The following SPAG16 variants were observed in gnomAD, a reference collection of about 807,000 sequenced individuals.
The protein encoded by SPAG16 is sperm associated antigen 16.
A neutral mutation model predicts 80.4 loss-of-function variants in SPAG16; 86 were observed. That is an observed-to-expected ratio of 1.07 (90% CI 0.90 to 1.28). The LOEUF (loss-of-function observed/expected upper bound fraction) is 1.28, where lower values mean the gene tolerates loss of function less well. Among genes scored for constraint, SPAG16 ranks in the 50% most tolerant of loss-of-function variants. The pLI is 0.00. For missense variants in SPAG16, 870 were observed against 765.3 expected (o/e 1.14, Z -1.61); for synonymous variants, 294 against 265.9 (o/e 1.11, Z -1.03).
chr2:214,132,883 G>A (rs868526006), intron 14 of SPAG16, among the ~76,000 whole-genome samples: 4 of 151,850 alleles, frequency 2.6e-5, no homozygotes, highest in South Asian at 4.2e-4. Context: ...ACCTGAGGTC[G>A]CGAGTTCGAG....
Position 214,090,438 on chromosome 2 carries a change from G to T in SPAG16, c.1528-17758G>T, listed in dbSNP as rs141549599. Among the ~76,000 whole-genome samples the T allele has an allele frequency of 2.0e-3, 297 of 151,868 alleles. 3 individuals are homozygous for T. Among genetic ancestry groups the T allele is most frequent in the Non-Finnish European group, 1.6e-4 (11 of 67,902 alleles). On this transcript the variant is annotated intron_variant, in intron 13 of 15. Transcript: ENST00000331683. ...ATCAGATGTAGTGCCTCAGAGAGAG[G>T]CACCTTCACTGTATGTCATTAATAC...
intron 14 of SPAG16, among the ~76,000 whole-genome samples, chr2:214,120,955 A>G (rs72939904): frequency 0.19 from 28,460 of 151,688 alleles, 3,510 homozygotes; most frequent in Non-Finnish European, 0.28. Context: ...TTGCTTTCCC[A>G]TAATCCACAC....
At chr2:213,439,495 T>A (rs973953907) in intron 9 of SPAG16, among the ~76,000 whole-genome samples, 4 of 152,202 alleles carry the variant, frequency 2.6e-5, no homozygotes, top group Non-Finnish European at 5.9e-5. Context: ...CTTAATGGAA[T>A]TATGTCCTGC....
chr2:213,565,260 G>A (rs186484902), intron 10 of SPAG16, among the ~76,000 whole-genome samples: 2 of 152,222 alleles, frequency 1.3e-5, no homozygotes, highest in Non-Finnish European at 2.9e-5. Context: ...TCTATTATAA[G>A]AGCATTGGAG....
chr2:213,940,514 C>T (rs906275488), intron 12 of SPAG16, among the ~76,000 whole-genome samples: 1 of 152,126 alleles, frequency 6.6e-6, no homozygotes, highest in East Asian at 1.9e-4. Flanking sequence ...AAGCTGGTGT[C>T]CAATCACTGG....
chr2:214,168,773 C>T (rs771982527), intron 15 of SPAG16, among the ~76,000 whole-genome samples: 1 of 152,060 alleles, frequency 6.6e-6, no homozygotes, highest in Non-Finnish European at 1.5e-5. Context: ...ATTAAGATAA[C>T]GCTGAATCGA....
At chr2:214,104,295 G>C (rs1220705838) in intron 13 of SPAG16, among the ~76,000 whole-genome samples, 5 of 152,178 alleles carry the variant, frequency 3.3e-5, no homozygotes, top group Admixed American at 3.3e-4. Flanking sequence ...TAAGACACAG[G>C]CAGAGAGTTT....
intron 12 of SPAG16, among the ~76,000 whole-genome samples, chr2:213,985,271 T>C (rs543071580): frequency 6.6e-6 from 1 of 152,244 alleles, no homozygotes; most frequent in African/African-American, 2.4e-5. Flanking sequence ...GTAAAATTTC[T>C]TTTGTAATAA....
chr2:214,309,571 T>C (rs1479518127), intron 15 of SPAG16, among the ~76,000 whole-genome samples: 5 of 152,186 alleles, frequency 3.3e-5, no homozygotes, highest in Non-Finnish European at 7.3e-5. Flanking sequence ...AGGTTTTTTT[T>C]TTCTTTTATC....
intron 10 of SPAG16, among the ~76,000 whole-genome samples, chr2:213,805,465 G>A (rs1047408672): frequency 1.3e-5 from 2 of 152,120 alleles, no homozygotes; most frequent in African/African-American, 4.8e-5. Flanking sequence ...TATTTGACAG[G>A]GCTTCAGAGA....
intron 10 of SPAG16, among the ~76,000 whole-genome samples, chr2:213,843,128 T>A (rs1420483112): frequency 6.6e-6 from 1 of 152,096 alleles, no homozygotes; most frequent in Non-Finnish European, 1.5e-5. Flanking sequence ...TTTTTTTTAA[T>A]TATACTTTAA....
intron 12 of SPAG16, among the ~76,000 whole-genome samples, chr2:213,944,092 G>T (rs1364829729): frequency 6.6e-6 from 1 of 152,178 alleles, no homozygotes; most frequent in African/African-American, 2.4e-5. Flanking sequence ...GGGCCTGGGG[G>T]ACAGGGCTGC....
chr2:213,880,512 C>A (rs530809353), intron 11 of SPAG16, among the ~76,000 whole-genome samples: 4 of 152,262 alleles, frequency 2.6e-5, no homozygotes, highest in African/African-American at 7.2e-5. Flanking sequence ...GTGTTTATTG[C>A]AATTGTTTTT....
chr2:213,987,995 TCTTATA>T (rs1246046326), intron 12 of SPAG16, among the ~76,000 whole-genome samples: 1 of 151,666 alleles, frequency 6.6e-6, no homozygotes, highest in African/African-American at 2.4e-5. Context: ...AATACATACA[TCTTATA>T]CTTGCAAAAA....
chr2:214,044,378 G>A (rs975712739), intron 13 of SPAG16, among the ~76,000 whole-genome samples: 3 of 152,140 alleles, frequency 2.0e-5, no homozygotes, highest in African/African-American at 7.2e-5. Flanking sequence ...CCAATCAACA[G>A]AGTTGCTTAT....
intron 14 of SPAG16, among the ~76,000 whole-genome samples, chr2:214,110,853 T>C (rs978228589): frequency 6.6e-6 from 1 of 152,212 alleles, no homozygotes; most frequent in African/African-American, 2.4e-5. Flanking sequence ...TATCTCATTG[T>C]GGTTTTGATT....
At chr2:213,284,662 A>G (rs2061987264) in intron 1 of SPAG16, 43 bp downstream of exon 1, 2 of 1,590,362 alleles carry the variant, frequency 1.3e-6, no homozygotes, top group Non-Finnish European at 1.7e-6. Flanking sequence ...CTGGCGGGTA[A>G]TGGGTGTTGG....
At chr2:213,890,466 A>G (rs2076743324) in intron 11 of SPAG16, among the ~76,000 whole-genome samples, 1 of 152,120 alleles carries the variant, frequency 6.6e-6, no homozygotes, top group African/African-American at 2.4e-5. Flanking sequence ...CATCTATTAT[A>G]AAACTGAGAA....
intron 15 of SPAG16, among the ~76,000 whole-genome samples, chr2:214,329,425 A>C (rs887199137): frequency 6.6e-6 from 1 of 152,258 alleles, no homozygotes; most frequent in African/African-American, 2.4e-5. Flanking sequence ...AAACAAATGA[A>C]TAGATAACAT....
Sources: allele counts gnomAD v4.1 joint callset (sites outside exome capture counted in the v4.1 genomes callset), GRCh38; gene constraint gnomAD v4.1.1; transcripts MANE v1.5; gene names NCBI Gene and HGNC (gene_info 2026-07-23, HGNC 2026-07-21).